RANBP10: variants seen among roughly 807,000 people sequenced by gnomAD.
RANBP10 encodes the protein RAN binding protein 10.
Under a neutral mutation model 72.8 loss-of-function variants are expected in RANBP10, and 24 were observed. The ratio of observed to expected loss-of-function variants is 0.33; its 90% CI spans 0.24 to 0.46. The LOEUF is 0.46. RANBP10 is among the 20% of genes least tolerant of loss of function. The pLI is 1.00. For synonymous variants in RANBP10, 310 were observed against 322.3 expected, an observed-to-expected ratio of 0.96 and a Z score of 0.41; for missense variants, 679 against 817.5, an observed-to-expected ratio of 0.83 and a Z score of 2.07.
At chr16:67,752,133 A>G (rs537504988) in intron 3 of RANBP10, among the ~76,000 whole-genome samples, 241 of 152,308 alleles carry the variant, frequency 1.6e-3, no homozygotes, top group Middle Eastern at 3.4e-3. Context: ...TACAGGCCGG[A>G]TAAGACCCCC....
intron 2 of RANBP10, among the ~76,000 whole-genome samples, chr16:67,777,843 G>T (rs958651283): frequency 5.9e-5 from 9 of 152,156 alleles, no homozygotes; most frequent in African/African-American, 1.9e-4. Context: ...TACACTTTCT[G>T]ATTTCAAAAC....
chr16:67,729,512 G>T lies in RANBP10; in HGVS notation c.1148-28C>A. 6.3e-7 allele frequency: 1 copy of T among 1,599,116 alleles called. No homozygotes were observed. The highest frequency in any genetic ancestry group is 8.5e-7 in the Non-Finnish European group (1 of 1,172,770). ...AGAAGCCAGGGTGACAGTCAGAAGA[G>T]GAGGGGCAGCTTCCCATGAAATGAA... On this transcript the variant is annotated intron_variant, in intron 9 of 13. Transcript: ENST00000317506. The surrounding 1 kb of genome is among the most constrained non-coding windows in gnomAD (Gnocchi z 7.1).
chr16:67,728,643 C>A, intron 10 of RANBP10, 132 bp from the exon 11 acceptor site: 1 of 1,511,082 alleles, frequency 6.6e-7, no homozygotes, highest in Non-Finnish European at 8.9e-7. Context: ...GAAAGGACAG[C>A]TCAGGCTTCC....
At chr16:67,782,661 G>A (rs1192005473) in intron 2 of RANBP10, among the ~76,000 whole-genome samples, 1 of 151,624 alleles carries the variant, frequency 6.6e-6, no homozygotes, top group African/African-American at 2.4e-5. Context: ...ACTATATGTT[G>A]GCCAGGCTGG....
In RANBP10 at chr16:67,726,257, G is replaced by A. The variant is rs1210378932; in HGVS notation, c.*171C>T. The stretch of plus-strand genomic sequence containing the variant: ...GAGAGAGAGAGAGACTGAGCGGGGT[G>A]GTGGGCAGAGAAAGGAAGGAAGGAA... On this transcript the variant is annotated 3_prime_UTR_variant, in exon 14 of 14. Coordinates refer to ENST00000317506, the MANE Select transcript of RANBP10 (RefSeq NM_020850.3). 4 of 945,924 alleles carry A rather than the reference G, an allele frequency of 4.2e-6. No individual in the cohort carries two copies. The highest frequency in any genetic ancestry group is 4.7e-6 in the Non-Finnish European group (3 of 638,730). The allele number at this position is 945,924 out of a possible 1,614,324, so 58.6% of individuals were successfully genotyped here.
At chr16:67,728,778 A>T (rs1040700900) in intron 10 of RANBP10, among the ~76,000 whole-genome samples, 2 of 152,024 alleles carry the variant, frequency 1.3e-5, no homozygotes, top group African/African-American at 4.8e-5. Flanking sequence ...CTGAGTTCAC[A>T]CACCTCTTCT....
In RANBP10 at chr16:67,729,795, C is replaced by T. The variant is rs61743481; in HGVS notation, c.1032G>A (p.Thr344=). 1.8e-3 allele frequency: 2,949 copies of T among 1,614,048 alleles called. 67 individuals carry two copies. In the Admixed American group the frequency reaches 0.043, roughly 24 times the overall value. ...CRQFVEMVNG[T]DSEVRSLSSR... ...AGCTCAAACTTCGGACCTCACTGTC[C>T]GTCCCATTCACCATCTCCACAAACT... The change falls in exon 9 of 14, where the codon ACG becomes ACA. Residue 344 remains threonine (T), a synonymous_variant. Transcript: ENST00000317506. This position sits in a 1 kb window ranked among gnomAD's most constrained non-coding sequence, Gnocchi z 7.1.
At chr16:67,776,993 C>T (rs1277166704) in intron 2 of RANBP10, among the ~76,000 whole-genome samples, 2 of 150,246 alleles carry the variant, frequency 1.3e-5, no homozygotes, top group Non-Finnish European at 3.0e-5. Flanking sequence ...AGGTGGATCA[C>T]GAGGTCAGGA....
At chr16:67,769,741 G>A (rs1275005530) in intron 3 of RANBP10, among the ~76,000 whole-genome samples, 8 of 70,394 alleles carry the variant, frequency 1.1e-4, no homozygotes, top group Admixed American at 4.8e-4. Context: ...GCAAGACTCC[G>A]TCTCAAAAAA....
chr16:67,762,404 G>T (rs922980827), intron 3 of RANBP10: 1 of 152,184 alleles, frequency 6.6e-6, no homozygotes, highest in African/African-American at 2.4e-5. Context: ...CATTTACAGA[G>T]GGGGAAAATG....
At chr16:67,786,023 A>G (rs1176509225) in intron 2 of RANBP10, among the ~76,000 whole-genome samples, 1 of 151,810 alleles carries the variant, frequency 6.6e-6, no homozygotes, top group Non-Finnish European at 1.5e-5. Context: ...TAATTAAAAA[A>G]AAAAAAAGAC....
intron 2 of RANBP10, among the ~76,000 whole-genome samples, chr16:67,782,585 G>A (rs974695642): frequency 2.0e-5 from 3 of 151,888 alleles, no homozygotes; most frequent in African/African-American, 7.3e-5. Flanking sequence ...CCAAGTAGCT[G>A]GGACTACAAG....
chr16:67,800,928 C>T (rs2055224589), intron 2 of RANBP10, among the ~76,000 whole-genome samples: 1 of 152,190 alleles, frequency 6.6e-6, no homozygotes, highest in African/African-American at 2.4e-5. Flanking sequence ...CCACTCTCTA[C>T]TGAATGGGCC....
intron 3 of RANBP10, among the ~76,000 whole-genome samples, chr16:67,744,982 C>T (rs1450236182): frequency 1.3e-5 from 2 of 152,060 alleles, no homozygotes; most frequent in Non-Finnish European, 2.9e-5. Context: ...TGCCACAACG[C>T]CCGGCTAATT....
chr16:67,730,014 C>T lies in RANBP10; in HGVS notation c.922G>A (p.Gly308Ser). The change falls in exon 8 of 14, where the codon GGC becomes AGC. Residue 308 changes from glycine (G) to serine (S), a missense_variant. Physicochemically the swap from Gly to Ser is moderately conservative, Grantham distance 56 (BLOSUM62 0). Transcript: ENST00000317506. This position sits in a 1 kb window ranked among gnomAD's most constrained non-coding sequence, Gnocchi z 4.3. ...IQKLVLEGRV[G>S]EAIETTQRFY... is the part of the protein sequence containing the mutation. ...CGCTGGGTGGTCTCGATGGCCTCGC[C>T]CACACGGCCCTCCAGCACCAGCTTC... The T allele has an allele frequency of 2.5e-6, 4 of 1,613,230 alleles. No homozygotes were observed. The highest frequency in any genetic ancestry group is 3.4e-6 in the Non-Finnish European group (4 of 1,180,002).
chr16:67,740,967 A>G (rs1490922339), intron 4 of RANBP10, among the ~76,000 whole-genome samples: 2 of 152,152 alleles, frequency 1.3e-5, no homozygotes, highest in African/African-American at 2.4e-5. Context: ...GGATCTCAGC[A>G]TGGCCAGGAT....
Position 67,729,345 on chromosome 16 carries a change from G to C in RANBP10, c.1287C>G (p.Ser429=), listed in dbSNP as rs773300797. Reference sequence around the variant, plus strand: ...TGGTGGAGTCTGTTGAGTTGGACTCGGAGTAATTGACGGAGGATGGGGAAG... The same window carrying C: ...TGGTGGAGTCTGTTGAGTTGGACTCCGAGTAATTGACGGAGGATGGGGAAG... ...SSSSPSSVNY[S]ESNSTDSTKS... Residue 429 remains serine (S), a synonymous_variant, in exon 10 of 14, where the codon TCC becomes TCG. Coordinates refer to ENST00000317506, the MANE Select transcript of RANBP10 (RefSeq NM_020850.3). The surrounding 1 kb of genome is among the most constrained non-coding windows in gnomAD (Gnocchi z 7.1). 6.2e-7 allele frequency: 1 copy of C among 1,612,172 alleles called. No homozygotes were observed. Among genetic ancestry groups the C allele is most frequent in the African/African-American group, 1.3e-5 (1 of 74,876 alleles).
intron 2 of RANBP10, among the ~76,000 whole-genome samples, chr16:67,800,046 A>C (rs1024940955): frequency 5.9e-5 from 9 of 152,042 alleles, no homozygotes; most frequent in African/African-American, 1.9e-4. Flanking sequence ...ACTTGAACCC[A>C]GGAGGCGGAG....
chr16:67,750,687 T>C (rs1441210349), intron 3 of RANBP10, among the ~76,000 whole-genome samples: 1 of 152,134 alleles, frequency 6.6e-6, no homozygotes, highest in Non-Finnish European at 1.5e-5. Context: ...TGATCCTGTA[T>C]GACAGATTTT....
Sources: allele counts gnomAD v4.1 joint callset (sites outside exome capture counted in the v4.1 genomes callset), GRCh38; gene constraint gnomAD v4.1.1; non-coding constraint Gnocchi (gnomAD v3.1); transcripts MANE v1.5; gene names NCBI Gene and HGNC (gene_info 2026-07-23, HGNC 2026-07-21).